The following ITPR3 variants were observed in gnomAD, a reference collection of about 807,000 sequenced individuals.
ITPR3 encodes the protein inositol 1,4,5-trisphosphate-gated calcium channel ITPR3.
Under a neutral mutation model 293.2 loss-of-function variants are expected in ITPR3, and 173 were observed. The observed-to-expected ratio is 0.59, with a 90% CI of 0.52 to 0.67. ITPR3 has a LOEUF of 0.67. ITPR3 is among the 30% of genes least tolerant of loss of function. ITPR3 has a pLI of 0.00. For missense variants in ITPR3, 2,796 were observed against 3,592.1 expected (o/e 0.78, Z 5.66); for synonymous variants, 1,295 against 1,444.4 (o/e 0.90, Z 2.35).
intron 3 of ITPR3, among the ~76,000 whole-genome samples, chr6:33,656,819 T>A (rs1467191896): frequency 6.6e-6 from 1 of 152,220 alleles, no homozygotes; most frequent in East Asian, 1.9e-4. Context: ...CCCCTTCCTC[T>A]AAGCCCCACG....
At position 33,665,918 on chromosome 6, in the gene ITPR3, T is replaced by C. The variant is rs773094058; in HGVS notation, c.1493T>C (p.Val498Ala). 6.2e-7 allele frequency: 1 copy of C among 1,614,154 alleles called. No homozygotes were observed. Among genetic ancestry groups the C allele is most frequent in the South Asian group, 1.1e-5 (1 of 91,068 alleles). The change falls in exon 14 of 58, where the codon GTC becomes GCC. Residue 498 changes from valine (V) to alanine (A), a missense_variant. Around this residue, in one of 8 missense-constraint regions of ITPR3, gnomAD observed 955 missense variants for 1,180.8 expected, o/e 0.81. Coordinates refer to ENST00000605930, the MANE Select transcript of ITPR3 (RefSeq NM_002224.4). ...NNGQNVLDIM[V>A]TKPNRERQKL... ...GGGCAGAATGTCCTGGACATCATGG[T>C]CACTAAGCCCAACCGGGAACGGCAG... is the stretch of plus-strand genomic sequence containing the variant.
rs1298124819 is a variant in ITPR3, at chr6:33,638,557, TTTCAGGAAC to T, written c.90-1925_90-1917del. ...TTTCATCTTTATTGCTTCCGATCTA[TTTCAGGAAC>T]TGCATACAAAAATCTAAACATTGTA... On this transcript the variant is annotated intron_variant, in intron 1 of 57. Coordinates refer to ENST00000605930, the MANE Select transcript of ITPR3 (RefSeq NM_002224.4). This position sits in a 1 kb window ranked among gnomAD's most constrained non-coding sequence, Gnocchi z 4.3. Among the ~76,000 whole-genome samples the T allele has an allele frequency of 6.6e-6, 1 of 152,256 alleles. No homozygotes were observed. Among genetic ancestry groups the T allele is most frequent in the Non-Finnish European group, 1.5e-5 (1 of 68,040 alleles).
rs941685419 is a variant in ITPR3, at chr6:33,655,755, C to T, written c.161-11C>T. The T allele has an allele frequency of 8.7e-6, 14 of 1,613,866 alleles. No individual in the cohort carries two copies. Among genetic ancestry groups the T allele is most frequent in the African/African-American group, 1.3e-5 (1 of 74,904 alleles). ...AATCATTCCCCTCACCCCCAACCTG[C>T]CCCACCACAGACTGCCTCTTCAAGG... On this transcript the variant is annotated splice_polypyrimidine_tract_variant and intron_variant, in intron 2 of 57. Coordinates refer to ENST00000605930, the MANE Select transcript of ITPR3 (RefSeq NM_002224.4). The surrounding 1 kb of genome is among the most constrained non-coding windows in gnomAD (Gnocchi z 4.9).
rs1763544379 is a variant in ITPR3 at position 33,626,121 on chromosome 6, G to A, written c.89+4430G>A. On this transcript the variant is annotated intron_variant, in intron 1 of 57. Transcript: ENST00000605930. ...GGCTAGTTTTTGTATTTTTTATAGA[G>A]ATGGGGTCTCCCCTTGCTGCCCAAG... 3.9e-5 allele frequency among the ~76,000 whole-genome samples: 6 copies of A among 152,146 alleles called. No individual in the cohort carries two copies. The South Asian group carries it at 1.2e-3, about 32-fold the overall frequency.
At position 33,670,027 on chromosome 6, in the gene ITPR3, G is replaced by A. The variant is rs368595224; in HGVS notation, c.2190-298G>A. Among the ~76,000 whole-genome samples, 1 of 151,830 alleles carries A rather than the reference G, an allele frequency of 6.6e-6. No homozygotes were observed. Among genetic ancestry groups the A allele is most frequent in the Non-Finnish European group, 1.5e-5 (1 of 67,932 alleles). ...CTTGCCCTCACCCTCCCTGGCCAAG[G>A]CTGGCTCTTCTCATCTCACTGCCCT... On this transcript the variant is annotated intron_variant, in intron 18 of 57. Coordinates refer to ENST00000605930, the MANE Select transcript of ITPR3 (RefSeq NM_002224.4). This position sits in a 1 kb window ranked among gnomAD's most constrained non-coding sequence, Gnocchi z 6.7.
rs1160768626 is a variant in ITPR3, at chr6:33,685,345, CT to C, written c.5308-13del. 6.2e-7 allele frequency: 1 copy of C among 1,603,970 alleles called. No individual in the cohort carries two copies. Among genetic ancestry groups the C allele is most frequent in the South Asian group, 1.1e-5 (1 of 90,590 alleles). ...CAGTGCTGAGGTTGTTCCCTGGCCACTGTCCACCTCCAGAAATCCTTCCACA... is the reference window on the plus strand; with the variant it reads ...CAGTGCTGAGGTTGTTCCCTGGCCACGTCCACCTCCAGAAATCCTTCCACA... On this transcript the variant is annotated splice_polypyrimidine_tract_variant and intron_variant, in intron 39 of 57. Coordinates refer to ENST00000605930, the MANE Select transcript of ITPR3 (RefSeq NM_002224.4).
chr6:33,688,685 C>T lies in ITPR3; in HGVS notation c.6598C>T (p.Arg2200Cys), dbSNP rs1257884296. The T allele has an allele frequency of 3.7e-6, 6 of 1,614,214 alleles. No individual in the cohort carries two copies. Among genetic ancestry groups the T allele is most frequent in the Non-Finnish European group, 5.1e-6 (6 of 1,180,014 alleles). Residue 2200 changes from arginine (R) to cysteine (C), a missense_variant, in exon 49 of 58, where the codon CGC (arginine) becomes TGC (cysteine). Transcript: ENST00000605930. Reference protein sequence around the residue: ...SMPLIYWFSRRMTLWGSISFN... With the variant: ...SMPLIYWFSRCMTLWGSISFN... Reference sequence around the variant, plus strand: ...GCCGCTGATCTACTGGTTCTCCCGCCGCATGACCCTGTGGGGCAGCATCTC... The same window carrying T: ...GCCGCTGATCTACTGGTTCTCCCGCTGCATGACCCTGTGGGGCAGCATCTC...
chr6:33,625,454 C>T (rs1313692923), intron 1 of ITPR3, among the ~76,000 whole-genome samples: 1 of 152,176 alleles, frequency 6.6e-6, no homozygotes, highest in Non-Finnish European at 1.5e-5. Flanking sequence ...GTCTCAAACT[C>T]CCGACCTCAG....
At chr6:33,657,523 A>C (rs955376617) in intron 3 of ITPR3, among the ~76,000 whole-genome samples, 10 of 147,846 alleles carry the variant, frequency 6.8e-5, no homozygotes, top group African/African-American at 2.5e-4. Context: ...CAGCGTTTGG[A>C]CTGGGACAAG....
At chr6:33,648,703 C>T (rs1231224441) in intron 2 of ITPR3, among the ~76,000 whole-genome samples, 4 of 151,930 alleles carry the variant, frequency 2.6e-5, no homozygotes, top group Admixed American at 6.6e-5. Context: ...GCAATCCTCC[C>T]GCCTCAAGCC....
chr6:33,681,333 C>A (rs1345803005), intron 33 of ITPR3, among the ~76,000 whole-genome samples: 2 of 152,198 alleles, frequency 1.3e-5, no homozygotes, highest in African/African-American at 4.8e-5. Flanking sequence ...TGGGATGGTA[C>A]AGCCAAAGCA....
At chr6:33,629,171 C>T (rs150934917) in intron 1 of ITPR3, among the ~76,000 whole-genome samples, 19 of 151,602 alleles carry the variant, frequency 1.3e-4, no homozygotes, top group African/African-American at 3.6e-4. Flanking sequence ...ACAGTGGTCA[C>T]ATTTGATATT....
In ITPR3 at chr6:33,633,179, A is replaced by G. The variant is rs1381451225; in HGVS notation, c.90-7305A>G. Among the ~76,000 whole-genome samples, 2 of 152,152 alleles carry G rather than the reference A, an allele frequency of 1.3e-5. No individual in the cohort carries two copies. The highest frequency in any genetic ancestry group is 1.3e-4 in the Admixed American group (2 of 15,290). On this transcript the variant is annotated intron_variant, in intron 1 of 57. Coordinates refer to ENST00000605930, the MANE Select transcript of ITPR3 (RefSeq NM_002224.4). The surrounding 1 kb of genome is among the most constrained non-coding windows in gnomAD (Gnocchi z 5.2). ...TAGCGGGGCGTGGGCAGGGAACCAC[A>G]CGGGAGCCTCAGCTTGGCCTTGAGA...
Position 33,691,165 on chromosome 6 carries a change from A to C in ITPR3, c.7225+56A>C. On this transcript the variant is annotated intron_variant, in intron 52 of 57. Transcript: ENST00000605930. The surrounding 1 kb of genome is among the most constrained non-coding windows in gnomAD (Gnocchi z 4.9). ...GTGGGGAATGAGGTTGGGTCTCACA[A>C]ATGTCTGGCGTCAGGACCAGGACCT... 6.4e-7 allele frequency: 1 copy of C among 1,563,974 alleles called. No homozygotes were observed. Among genetic ancestry groups the C allele is most frequent in the South Asian group, 1.1e-5 (1 of 88,882 alleles).
At chr6:33,659,605 G>A (rs1764405507) in intron 7 of ITPR3, 56 bp downstream of exon 7, 1 of 1,469,402 alleles carries the variant, frequency 6.8e-7, no homozygotes, top group Non-Finnish European at 9.5e-7. Flanking sequence ...TCCCCACCAG[G>A]GCCCTCTTCC....
chr6:33,642,102 A>C lies in ITPR3; in HGVS notation c.160+1548A>C, dbSNP rs28432707. Among the ~76,000 whole-genome samples, 12 of 152,300 alleles carry C rather than the reference A, an allele frequency of 7.9e-5. No individual in the cohort carries two copies. In the East Asian group the frequency reaches 2.3e-3, roughly 29 times the overall value. ...GCACATTTGAGTAATCAATGCATGC[A>C]CAGGGCCCCTCCCCAGCGTCCTCTT... On this transcript the variant is annotated intron_variant, in intron 2 of 57. Transcript: ENST00000605930.
chr6:33,638,821 A>C lies in ITPR3; in HGVS notation c.90-1663A>C, dbSNP rs564229999. On this transcript the variant is annotated intron_variant, in intron 1 of 57. Transcript: ENST00000605930. The surrounding 1 kb of genome is among the most constrained non-coding windows in gnomAD (Gnocchi z 4.3). ...AGACACTGCCAGGACCAGGTGCCGG[A>C]ACATGAAGGAGGGAGGCCCACAGGG... 1.5e-4 allele frequency among the ~76,000 whole-genome samples: 23 copies of C among 152,360 alleles called. 1 individual carries two copies. In the East Asian group the frequency reaches 3.3e-3, roughly 22 times the overall value.
intron 2 of ITPR3, among the ~76,000 whole-genome samples, chr6:33,640,782 G>A (rs1444324737): frequency 6.6e-6 from 1 of 152,192 alleles, no homozygotes; most frequent in East Asian, 1.9e-4. Flanking sequence ...CTTCTCAGGG[G>A]CACACCCACT....
chr6:33,623,344 T>TTTA (rs1763484282), intron 1 of ITPR3, among the ~76,000 whole-genome samples: 1 of 149,622 alleles, frequency 6.7e-6, no homozygotes, highest in Non-Finnish European at 1.5e-5. Context: ...TTTTTTTTTT[T>TTTA]AAGACAAGGT....
Sources: gnomAD v4.1 joint callset for allele counts (sites outside exome capture counted in the v4.1 genomes callset) on GRCh38, gnomAD v4.1.1 for gene constraint, gnomAD v4.1.1 regional missense constraint, Gnocchi (gnomAD v3.1) non-coding constraint, MANE v1.5 for transcripts, NCBI Gene and HGNC (gene_info 2026-07-23, HGNC 2026-07-21) for gene names.